Variants in SYN2 observed in about 807,000 individuals in gnomAD.
SYN2 encodes the protein synapsin-2.
A neutral mutation model predicts 50.9 loss-of-function variants in SYN2; 19 were observed. That is an observed-to-expected ratio of 0.37 (90% CI 0.26 to 0.55). The LOEUF is 0.55. SYN2 is among the 20% of genes least tolerant of loss of function. The pLI is 0.81. For missense variants in SYN2, 587 were observed against 576.4 expected, an observed-to-expected ratio of 1.02 and a Z score of -0.19; for synonymous variants, 255 against 224.9, an observed-to-expected ratio of 1.13 and a Z score of -1.20.
intron 1 of SYN2, among the ~76,000 whole-genome samples, chr3:12,031,709 C>CT (rs1477958138): frequency 8.4e-5 from 2 of 23,842 alleles, no homozygotes; most frequent in African/African-American, 2.2e-4. Flanking sequence ...CAACCCCTGC[C>CT]TTTTTTTGTT....
chr3:12,019,184 A>G (rs1057380371), intron 1 of SYN2, among the ~76,000 whole-genome samples: 18 of 152,196 alleles, frequency 1.2e-4, no homozygotes, highest in African/African-American at 4.3e-4. Context: ...AGATGCTGAA[A>G]TGGGGGAATT....
chr3:12,056,243 G>C (rs998338829), intron 1 of SYN2, among the ~76,000 whole-genome samples: 4 of 151,700 alleles, frequency 2.6e-5, no homozygotes, highest in Non-Finnish European at 5.9e-5. Flanking sequence ...GCATAAGGAA[G>C]TAATTCCATA....
intron 1 of SYN2, among the ~76,000 whole-genome samples, chr3:12,043,054 G>A (rs1351464501): frequency 7.1e-6 from 1 of 141,480 alleles, no homozygotes; most frequent in East Asian, 2.0e-4. Flanking sequence ...ACAGCATCTT[G>A]CTCTGACACC....
chr3:12,045,477 T>A (rs558457850), intron 1 of SYN2, among the ~76,000 whole-genome samples: 1 of 152,334 alleles, frequency 6.6e-6, no homozygotes, highest in Non-Finnish European at 1.5e-5. Context: ...TGTTTTCCAA[T>A]TTGAATAGAT....
intron 1 of SYN2, among the ~76,000 whole-genome samples, chr3:12,136,947 A>G (rs1241274339): frequency 6.6e-6 from 1 of 152,140 alleles, no homozygotes; most frequent in Non-Finnish European, 1.5e-5. Flanking sequence ...AAGACTGCCA[A>G]TCAGAAAGTT....
chr3:12,008,701 T>C (rs1027488117), intron 1 of SYN2, among the ~76,000 whole-genome samples: 1 of 152,198 alleles, frequency 6.6e-6, no homozygotes, highest in Non-Finnish European at 1.5e-5. Flanking sequence ...TCATTTACTC[T>C]TTACATAGCA....
intron 4 of SYN2, among the ~76,000 whole-genome samples, chr3:12,150,439 A>G (rs1431074198): frequency 6.6e-6 from 1 of 152,176 alleles, no homozygotes; most frequent in East Asian, 1.9e-4. Context: ...TGGCTCAACT[A>G]CTGTGTGACT....
intron 1 of SYN2, among the ~76,000 whole-genome samples, chr3:12,054,942 C>G (rs1422889650): frequency 1.3e-5 from 2 of 152,034 alleles, no homozygotes; most frequent in African/African-American, 4.8e-5. Flanking sequence ...CTTTTGTTTT[C>G]TAGCATCCTT....
intron 1 of SYN2, among the ~76,000 whole-genome samples, chr3:12,113,448 A>G (rs1696367537): frequency 6.6e-6 from 1 of 152,194 alleles, no homozygotes; most frequent in Non-Finnish European, 1.5e-5. Flanking sequence ...CATTTAAAAA[A>G]TTGAGGTACT....
intron 1 of SYN2, among the ~76,000 whole-genome samples, chr3:12,084,647 A>C (rs1304807612): frequency 1.3e-5 from 2 of 152,246 alleles, no homozygotes; most frequent in Non-Finnish European, 2.9e-5. Flanking sequence ...CTGTGATGAC[A>C]GTGGAAAATC....
chr3:12,167,209 C>G, intron 7 of SYN2, 25 bp from the exon 8 acceptor site: 2 of 1,609,092 alleles, frequency 1.2e-6, no homozygotes, highest in South Asian at 1.1e-5. Context: ...ACTGCCTGTC[C>G]TATCCTGGTG....
At chr3:12,112,646 T>A (rs987841112) in intron 1 of SYN2, among the ~76,000 whole-genome samples, 1 of 152,174 alleles carries the variant, frequency 6.6e-6, no homozygotes, top group Non-Finnish European at 1.5e-5. Flanking sequence ...ATTATATAGA[T>A]TTTCTAGATG....
intron 1 of SYN2, among the ~76,000 whole-genome samples, chr3:12,115,856 C>T (rs1285375368): frequency 6.6e-6 from 1 of 152,158 alleles, no homozygotes; most frequent in African/African-American, 2.4e-5. Context: ...TTCCTCACAG[C>T]AGGGTCTGGA....
At chr3:12,089,059 T>C (rs1429106593) in intron 1 of SYN2, among the ~76,000 whole-genome samples, 2 of 152,342 alleles carry the variant, frequency 1.3e-5, no homozygotes, top group East Asian at 3.9e-4. Flanking sequence ...GGTAAAATGG[T>C]GAATAAATTA....
chr3:12,161,990 T>G (rs1182606440), intron 6 of SYN2, 22 bp from the exon 7 acceptor site: 7 of 1,613,570 alleles, frequency 4.3e-6, no homozygotes, highest in African/African-American at 4.0e-5. Context: ...CTTTCCCCCT[T>G]TCTGCCCTGC....
intron 1 of SYN2, among the ~76,000 whole-genome samples, chr3:12,010,639 T>C (rs1693895503): frequency 6.6e-6 from 1 of 152,232 alleles, no homozygotes; most frequent in East Asian, 1.9e-4. Flanking sequence ...AATGAGAGGA[T>C]TGAAATATAT....
At chr3:12,055,870 T>C (rs576358188) in intron 1 of SYN2, among the ~76,000 whole-genome samples, 2 of 152,348 alleles carry the variant, frequency 1.3e-5, no homozygotes, top group South Asian at 4.1e-4. Flanking sequence ...CATCTAGGTA[T>C]TGAACATCAA....
chr3:12,022,643 C>G (rs544033711), intron 1 of SYN2, among the ~76,000 whole-genome samples: 6 of 151,946 alleles, frequency 3.9e-5, no homozygotes, highest in Non-Finnish European at 8.8e-5. Flanking sequence ...CTCTTGACCT[C>G]GTGATCTACC....
intron 1 of SYN2, among the ~76,000 whole-genome samples, chr3:12,080,262 G>C (rs1009583850): frequency 1.3e-5 from 2 of 150,432 alleles, no homozygotes; most frequent in African/African-American, 4.9e-5. Context: ...CGGATTCATT[G>C]ATTTTTTTTT....
Sources: gnomAD v4.1 joint callset for allele counts (sites outside exome capture counted in the v4.1 genomes callset) on GRCh38, gnomAD v4.1.1 for gene constraint, MANE v1.5 for transcripts, NCBI Gene and HGNC (gene_info 2026-07-23, HGNC 2026-07-21) for gene names.